Variants in GAS7 observed in about 807,000 individuals in gnomAD.
GAS7 encodes the protein growth arrest specific 7, also known as growth arrest-specific protein 7.
Under a neutral mutation model 71.1 loss-of-function variants are expected in GAS7, and 28 were observed. That is an observed-to-expected ratio of 0.39 (90% CI 0.29 to 0.54). The LOEUF (loss-of-function observed/expected upper bound fraction) is 0.54. Among genes scored for constraint, GAS7 ranks in the 20% least tolerant of loss-of-function variants. The pLI, the probability that GAS7 is intolerant of heterozygous loss-of-function variation, is 0.62. For missense variants in GAS7, 436 were observed against 627.8 expected (o/e 0.69, Z 3.27); for synonymous variants, 258 against 245.8 (o/e 1.05, Z -0.46).
At chr17:10,019,655 G>T in intron 2 of GAS7, 122 bp downstream of exon 2, 2 of 945,600 alleles carry the variant, frequency 2.1e-6, no homozygotes, top group Non-Finnish European at 3.2e-6. Context: ...TAGCCCCTGA[G>T]CATAGACTTA....
intron 1 of GAS7, among the ~76,000 whole-genome samples, chr17:10,032,320 A>C (rs1197826768): frequency 6.6e-6 from 1 of 152,052 alleles, no homozygotes; most frequent in East Asian, 1.9e-4. Context: ...CAAACTCTCC[A>C]TTTCCTGATG....
intron 3 of GAS7, among the ~76,000 whole-genome samples, chr17:9,973,844 A>G (rs2070073147): frequency 6.6e-6 from 1 of 152,206 alleles, no homozygotes; most frequent in African/African-American, 2.4e-5. Flanking sequence ...ACAATACACA[A>G]GGGAACCATG....
rs1398674103 is a variant in GAS7, at chr17:9,959,644, C to G, written c.472-389G>C. The G allele has an allele frequency of 3.4e-5, 11 of 322,460 alleles. No homozygotes were observed. Among genetic ancestry groups the G allele is most frequent in the Non-Finnish European group, 5.7e-5 (10 of 175,222 alleles). 20.0% of individuals were successfully genotyped at this position (322,460 alleles called of 1,614,324 possible). A position where few individuals can be genotyped will look rare whatever the true frequency, so the allele number is the denominator to read the frequency against. ...GGGAGAAGAGAGTTAAGGCCACCAC[C>G]TCCTGGCACTGAGGAATCAGCACAC... On this transcript the variant is annotated intron_variant, in intron 4 of 13. Transcript: ENST00000432992. The surrounding 1 kb of genome is among the most constrained non-coding windows in gnomAD (Gnocchi z 5.0).
At chr17:9,918,406 A>G (rs548072825) in intron 12 of GAS7, among the ~76,000 whole-genome samples, 57 of 152,324 alleles carry the variant, frequency 3.7e-4, no homozygotes, top group Non-Finnish European at 7.2e-4. Context: ...TCTCCAAGCA[A>G]GGGAACTGGG....
chr17:9,995,384 G>GA, intron 2 of GAS7, among the ~76,000 whole-genome samples: 1 of 152,210 alleles, frequency 6.6e-6, no homozygotes, highest in East Asian at 1.9e-4. Flanking sequence ...AAGATAAAGA[G>GA]ACGAGGGAAA....
intron 1 of GAS7, among the ~76,000 whole-genome samples, chr17:10,186,957 G>A (rs890635744): frequency 5.3e-5 from 8 of 152,182 alleles, no homozygotes; most frequent in African/African-American, 1.7e-4. Flanking sequence ...CTCTAGGTGC[G>A]ATGATAAAAT....
chr17:10,006,679 C>T (rs972011713), intron 2 of GAS7, among the ~76,000 whole-genome samples: 2 of 136,218 alleles, frequency 1.5e-5, no homozygotes, highest in African/African-American at 3.5e-5. Flanking sequence ...AGAGTGCATG[C>T]GTATTTTTTT....
intron 1 of GAS7, among the ~76,000 whole-genome samples, chr17:10,086,156 GTAGGAAACATCCTTAC>G (rs2073517163): frequency 6.6e-6 from 1 of 152,228 alleles, no homozygotes; most frequent in African/African-American, 2.4e-5. Flanking sequence ...GAGGAATGGT[GTAGGAAACATCCTTAC>G]CCTGGAGGAG....
intron 1 of GAS7, among the ~76,000 whole-genome samples, chr17:10,153,038 CAA>C (rs397857973): frequency 0.04 from 3,050 of 75,960 alleles, 115 homozygotes; most frequent in African/African-American, 0.12. Context: ...ACTAAAAATA[CAA>C]AAAAAAAAAA....
chr17:10,124,140 C>A (rs1324395166), intron 1 of GAS7, among the ~76,000 whole-genome samples: 4 of 152,272 alleles, frequency 2.6e-5, no homozygotes, highest in Non-Finnish European at 5.9e-5. Context: ...AGAGCCGCCA[C>A]TGTGCCTGGG....
At chr17:10,010,080 G>A (rs2071705973) in intron 2 of GAS7, among the ~76,000 whole-genome samples, 1 of 152,044 alleles carries the variant, frequency 6.6e-6, no homozygotes, top group African/African-American at 2.4e-5. Context: ...CAGATAGCTT[G>A]GATCAAGTCC....
At position 9,981,796 on chromosome 17, in the gene GAS7, GAC is replaced by G. The variant is rs1395584854; in HGVS notation, c.385+6_385+7del. ...CCCAGTTGCCCCAAAGCAGACAGCGGACATTACCTGTTGGAGGCAGAGAGCTC... is the reference window on the plus strand; with the variant it reads ...CCCAGTTGCCCCAAAGCAGACAGCGGATTACCTGTTGGAGGCAGAGAGCTC... On this transcript the variant is annotated splice_donor_region_variant and intron_variant, in intron 3 of 13. Transcript: ENST00000432992. The surrounding 1 kb of genome is among the most constrained non-coding windows in gnomAD (Gnocchi z 4.4). The G allele has an allele frequency of 3.3e-6, 5 of 1,524,802 alleles. No individual in the cohort carries two copies. Among genetic ancestry groups the G allele is most frequent in the Non-Finnish European group, 4.6e-6 (5 of 1,098,656 alleles). 94.5% of individuals were successfully genotyped at this position (1,524,802 alleles called of 1,614,324 possible).
chr17:10,129,346 G>A (rs1168694548), intron 1 of GAS7, among the ~76,000 whole-genome samples: 1 of 152,106 alleles, frequency 6.6e-6, no homozygotes, highest in Non-Finnish European at 1.5e-5. Context: ...ACCAGCCTGG[G>A]CAACGCAGGA....
intron 1 of GAS7, among the ~76,000 whole-genome samples, chr17:10,066,059 C>G (rs146357624): frequency 0.018 from 2,759 of 152,282 alleles, 71 homozygotes; most frequent in East Asian, 0.075. Flanking sequence ...AAGGGAATTA[C>G]AGTATACCCC....
chr17:9,967,425 C>A (rs531937912), intron 4 of GAS7, among the ~76,000 whole-genome samples: 2 of 151,500 alleles, frequency 1.3e-5, no homozygotes, highest in East Asian at 3.9e-4. Context: ...AGCACCCCCC[C>A]TCCCCAGGCG....
chr17:10,134,728 G>GGGT (rs1416014788), intron 1 of GAS7, among the ~76,000 whole-genome samples: 3 of 152,182 alleles, frequency 2.0e-5, no homozygotes. Context: ...TGAAGCCACA[G>GGGT]GGTTATAGCC....
At chr17:10,083,400 G>A (rs530652238) in intron 1 of GAS7, among the ~76,000 whole-genome samples, 9 of 152,148 alleles carry the variant, frequency 5.9e-5, no homozygotes, top group South Asian at 2.1e-4. Context: ...GGTGGTGCAC[G>A]CCTGTAATCC....
intron 5 of GAS7, among the ~76,000 whole-genome samples, chr17:9,955,577 T>TG (rs755161972): frequency 9.2e-5 from 14 of 152,190 alleles, no homozygotes; most frequent in South Asian, 2.1e-4. Context: ...AGTTTGTGCA[T>TG]GGAATAGGTG....
chr17:10,005,052 C>T lies in GAS7; in HGVS notation c.304+14725G>A, dbSNP rs921435084. Among the ~76,000 whole-genome samples, 952 of 129,354 alleles carry T rather than the reference C, an allele frequency of 7.4e-3. 4 individuals are homozygous for T. Among genetic ancestry groups the T allele is most frequent in the South Asian group, 0.049 (202 of 4,116 alleles). The allele number at this position is 129,354 out of a possible 152,430, so 84.9% of individuals were successfully genotyped here. On this transcript the variant is annotated intron_variant, in intron 2 of 13. Coordinates refer to ENST00000432992, the MANE Select transcript of GAS7 (RefSeq NM_201433.2). ...CTCTATATATACATACATATATATA[C>T]ACATATATGTGTGTATGCACGCATA...
Sources: allele counts gnomAD v4.1 joint callset (sites outside exome capture counted in the v4.1 genomes callset), GRCh38; gene constraint gnomAD v4.1.1; non-coding constraint Gnocchi (gnomAD v3.1); transcripts MANE v1.5; gene names NCBI Gene and HGNC (gene_info 2026-07-23, HGNC 2026-07-21).